Variants in ELMO1 observed in about 807,000 individuals in gnomAD.
The protein encoded by ELMO1 is engulfment and cell motility 1, also known as engulfment and cell motility protein 1.
ELMO1 carries 26 observed loss-of-function variants against 98.9 expected under a neutral mutation model. The observed-to-expected ratio is 0.26, with a 90% CI of 0.19 to 0.36. The LOEUF is 0.36. Ranked by LOEUF, ELMO1 falls within the 10% of genes least tolerant of loss-of-function variation. The pLI, the probability that ELMO1 is intolerant of heterozygous loss-of-function variation, is 1.00. For missense variants in ELMO1, 627 were observed against 935.2 expected (o/e 0.67, Z 4.30); for synonymous variants, 346 against 346.0 (o/e 1.00, Z 0.00).
intron 4 of ELMO1, among the ~76,000 whole-genome samples, chr7:37,278,844 C>T (rs1297881762): frequency 6.6e-6 from 1 of 152,196 alleles, no homozygotes; most frequent in African/African-American, 2.4e-5. Context: ...ATCCAACCAG[C>T]ATTTAACTGA....
chr7:37,213,226 C>A, intron 12 of ELMO1, 109 bp downstream of exon 12: 1 of 1,374,518 alleles, frequency 7.3e-7, no homozygotes, highest in South Asian at 1.6e-5. Context: ...AATAAAATGA[C>A]ATCATATCAA....
intron 13 of ELMO1, among the ~76,000 whole-genome samples, chr7:37,197,682 T>G (rs888160067): frequency 6.6e-6 from 1 of 152,222 alleles, no homozygotes. Flanking sequence ...CACAGGACTC[T>G]TAACTGGTCA....
intron 16 of ELMO1, among the ~76,000 whole-genome samples, chr7:36,966,776 GTTC>G (rs1307876763): frequency 1.3e-5 from 2 of 152,236 alleles, no homozygotes; most frequent in East Asian, 3.8e-4. Flanking sequence ...AAGACAAATT[GTTC>G]TTCAGAAAGG....
At chr7:37,172,169 C>G (rs1790210432) in intron 13 of ELMO1, among the ~76,000 whole-genome samples, 1 of 152,066 alleles carries the variant, frequency 6.6e-6, no homozygotes, top group African/African-American at 2.4e-5. Context: ...AAAGAAAAAG[C>G]AATTCCATAT....
intron 2 of ELMO1, among the ~76,000 whole-genome samples, chr7:37,338,088 C>A (rs935351781): frequency 6.6e-6 from 1 of 152,208 alleles, no homozygotes; most frequent in Non-Finnish European, 1.5e-5. Context: ...AACCAGAGTA[C>A]CTAATTTTCT....
intron 14 of ELMO1, among the ~76,000 whole-genome samples, chr7:37,107,153 T>C (rs998658066): frequency 6.6e-6 from 1 of 152,218 alleles, no homozygotes; most frequent in Non-Finnish European, 1.5e-5. Context: ...AAAATACATG[T>C]ATGAACAAAA....
chr7:36,877,011 C>T (rs1356107621), intron 19 of ELMO1, among the ~76,000 whole-genome samples: 3 of 152,142 alleles, frequency 2.0e-5, no homozygotes, highest in South Asian at 2.1e-4. Context: ...GAGATGTCAG[C>T]GCAGAGTCTG....
At chr7:37,037,652 C>T (rs35575349) in intron 15 of ELMO1, among the ~76,000 whole-genome samples, 19,414 of 152,038 alleles carry the variant, frequency 0.13, 1,615 homozygotes, top group African/African-American at 0.25. Flanking sequence ...GAGGAAGGGG[C>T]TAGTATCAAG....
intron 4 of ELMO1, among the ~76,000 whole-genome samples, 160 bp from the exon 5 acceptor site, chr7:37,272,042 C>G (rs1198260396): frequency 6.6e-6 from 1 of 152,022 alleles, no homozygotes; most frequent in East Asian, 1.9e-4. Context: ...TTCTATCTGA[C>G]AATATTCAGT....
In ELMO1 at chr7:37,295,923, G is replaced by GT. The variant is rs1798005639; in HGVS notation, c.192+18926dup. ...AAGCTTCCACATTCAATACGCTTTT[G>GT]TGTGTTGTTGCCTTACTTAATGTGG... On this transcript the variant is annotated intron_variant, in intron 4 of 21. Transcript: ENST00000310758. 2.0e-5 allele frequency among the ~76,000 whole-genome samples: 3 copies of GT among 152,296 alleles called. No individual in the cohort carries two copies. The South Asian group carries it at 6.2e-4, about 32-fold the overall frequency.
chr7:36,881,968 A>C (rs1804500646), intron 18 of ELMO1, among the ~76,000 whole-genome samples: 1 of 152,206 alleles, frequency 6.6e-6, no homozygotes, highest in Non-Finnish European at 1.5e-5. Flanking sequence ...ATCCAGGCCC[A>C]AGACAAGCTT....
chr7:37,399,678 T>C (rs1017741876), intron 1 of ELMO1, among the ~76,000 whole-genome samples: 1 of 152,232 alleles, frequency 6.6e-6, no homozygotes, highest in African/African-American at 2.4e-5. Flanking sequence ...GACTCTGTTT[T>C]GGTAAAGAGG....
chr7:37,259,050 A>G, intron 6 of ELMO1, 131 bp downstream of exon 6: 1 of 1,094,610 alleles, frequency 9.1e-7, no homozygotes, highest in East Asian at 2.9e-5. Flanking sequence ...TATCTTAAAA[A>G]CTATTTTTTT....
intron 16 of ELMO1, among the ~76,000 whole-genome samples, chr7:36,996,612 T>C (rs1297094536): frequency 2.6e-5 from 4 of 152,286 alleles, no homozygotes; most frequent in African/African-American, 9.6e-5. Flanking sequence ...TCAAAGATAA[T>C]TGGCTAAAAT....
chr7:36,880,338 T>C (rs1804348216), intron 18 of ELMO1, among the ~76,000 whole-genome samples: 1 of 152,220 alleles, frequency 6.6e-6, no homozygotes, highest in South Asian at 2.1e-4. Flanking sequence ...CAAGCCAATG[T>C]GTCACAATCA....
intron 13 of ELMO1, among the ~76,000 whole-genome samples, chr7:37,150,081 TCTC>T (rs1788253527): frequency 6.6e-6 from 1 of 152,164 alleles, no homozygotes; most frequent in Admixed American, 6.5e-5. Context: ...CAAAATTTCT[TCTC>T]CTCTTTTTTT....
chr7:37,408,543 G>A (rs1350142171), intron 1 of ELMO1, among the ~76,000 whole-genome samples: 1 of 152,100 alleles, frequency 6.6e-6, no homozygotes, highest in Non-Finnish European at 1.5e-5. Flanking sequence ...ATAAAGAAAC[G>A]GTAGGAATAT....
intron 4 of ELMO1, among the ~76,000 whole-genome samples, chr7:37,272,812 A>G (rs997639845): frequency 1.3e-5 from 2 of 152,260 alleles, no homozygotes; most frequent in Non-Finnish European, 2.9e-5. Flanking sequence ...TGAAATGTCC[A>G]GGATAGGCAA....
rs535512747 is a variant in ELMO1 at position 36,853,724 on chromosome 7, G to A, written c.*1827C>T. 2.6e-5 allele frequency among the ~76,000 whole-genome samples: 4 copies of A among 152,172 alleles called. No individual in the cohort carries two copies. The highest frequency in any genetic ancestry group is 5.9e-5 in the Non-Finnish European group (4 of 68,030). ...TGATGACGGTAAAGAGAAATGACCT[G>A]GATGCTTCCACAGCTTGTGCTGTGA... On this transcript the variant is annotated 3_prime_UTR_variant, in exon 22 of 22. Coordinates refer to ENST00000310758, the MANE Select transcript of ELMO1 (RefSeq NM_014800.11).
Sources: allele counts gnomAD v4.1 joint callset (sites outside exome capture counted in the v4.1 genomes callset), GRCh38; gene constraint gnomAD v4.1.1; transcripts MANE v1.5; gene names NCBI Gene and HGNC (gene_info 2026-07-23, HGNC 2026-07-21).